The following STIM2 variants were observed in gnomAD, a reference collection of about 807,000 sequenced individuals.
STIM2 encodes the protein stromal interaction molecule 2.
STIM2 carries 31 observed loss-of-function variants against 85.8 expected under a neutral mutation model. The observed-to-expected ratio is 0.36, with a 90% CI of 0.27 to 0.49. The LOEUF (loss-of-function observed/expected upper bound fraction) is 0.49. Ranked by LOEUF, STIM2 falls within the 20% of genes least tolerant of loss-of-function variation. The pLI is 0.98. For missense variants in STIM2, 841 were observed against 927.6 expected, an observed-to-expected ratio of 0.91 and a Z score of 1.21; for synonymous variants, 356 against 331.1, an observed-to-expected ratio of 1.08 and a Z score of -0.82.
intron 1 of STIM2, chr4:26,873,484 CA>C: frequency 3.1e-6 from 1 of 327,514 alleles, no homozygotes; most frequent in African/African-American, 2.2e-5. Flanking sequence ...GTGGCCAGAG[CA>C]GGGGGGCTCT....
Position 27,022,949 on chromosome 4 carries a change from AAAAAGCCATCAAAAATC to A in STIM2, c.2202_2218del (p.Ser735PhefsTer2), listed in dbSNP as rs1560244705. 6.2e-7 allele frequency: 1 copy of A among 1,613,966 alleles called. No individual in the cohort carries two copies. Among genetic ancestry groups the A allele is most frequent in the Non-Finnish European group, 8.5e-7 (1 of 1,180,006 alleles). On this transcript the variant is annotated frameshift_variant, in exon 12 of 12. Transcript: ENST00000467087. LOFTEE classifies it high-confidence loss of function. ...CCTTTGTCATAATGGAGAGAAAAGC[AAAAAGCCATCAAAAATC>A]AAAAGCCTTTTTAAGAAGAAATCTA...
chr4:26,878,192 G>A (rs967304157), intron 1 of STIM2, among the ~76,000 whole-genome samples: 1 of 152,166 alleles, frequency 6.6e-6, no homozygotes, highest in Non-Finnish European at 1.5e-5. Context: ...TGTGATGGGG[G>A]TGGAGAAGTT....
intron 2 of STIM2, among the ~76,000 whole-genome samples, chr4:26,922,356 A>G (rs1033386849): frequency 6.6e-6 from 1 of 152,200 alleles, no homozygotes. Context: ...AGCTTTGTCA[A>G]ACAAATTCCA....
At chr4:26,990,013 A>AAAAT (rs1727707417) in intron 3 of STIM2, among the ~76,000 whole-genome samples, 1 of 152,180 alleles carries the variant, frequency 6.6e-6, no homozygotes, top group Non-Finnish European at 1.5e-5. Context: ...TCATCTTGTT[A>AAAAT]AAATGTCTTT....
chr4:26,872,404 A>G (rs1722657336), intron 1 of STIM2, among the ~76,000 whole-genome samples: 1 of 152,234 alleles, frequency 6.6e-6, no homozygotes, highest in African/African-American at 2.4e-5. Context: ...GAAATGTTAG[A>G]CTTTAAAATC....
chr4:26,968,748 G>A (rs1031867908), intron 3 of STIM2, among the ~76,000 whole-genome samples: 1 of 152,104 alleles, frequency 6.6e-6, no homozygotes, highest in African/African-American at 2.4e-5. Flanking sequence ...GAAACAGTGG[G>A]TGACCTCCTA....
chr4:27,021,120 C>G (rs1486901504), intron 11 of STIM2: 10 of 1,443,402 alleles, frequency 6.9e-6, no homozygotes, highest in Non-Finnish European at 9.4e-6. Flanking sequence ...TTCATTCATT[C>G]ATTCACCCAC....
intron 11 of STIM2, among the ~76,000 whole-genome samples, chr4:27,020,541 G>A (rs548858787): frequency 3.0e-4 from 45 of 152,184 alleles, no homozygotes; most frequent in East Asian, 1.9e-4. Context: ...TGTACCTTTC[G>A]AGAGCTTGTA....
chr4:26,909,955 A>G (rs925878272), intron 1 of STIM2, among the ~76,000 whole-genome samples: 12 of 152,282 alleles, frequency 7.9e-5, no homozygotes, highest in South Asian at 4.1e-4. Context: ...TCACTTGTAT[A>G]AGTCAGTGAG....
At chr4:26,940,365 C>G (rs1036291965) in intron 2 of STIM2, among the ~76,000 whole-genome samples, 10 of 152,142 alleles carry the variant, frequency 6.6e-5, no homozygotes, top group Non-Finnish European at 1.2e-4. Flanking sequence ...ATATTCAGTT[C>G]TTTCTTCTGT....
chr4:27,021,267 A>T, intron 11 of STIM2: 1 of 528,690 alleles, frequency 1.9e-6, no homozygotes, highest in East Asian at 3.3e-5. Context: ...CTGCCTATAA[A>T]CAAGTTAATA....
At chr4:26,946,042 TCTATTAG>T (rs1273655678) in intron 2 of STIM2, among the ~76,000 whole-genome samples, 1 of 152,212 alleles carries the variant, frequency 6.6e-6, no homozygotes, top group Non-Finnish European at 1.5e-5. Flanking sequence ...TTATTTTTCT[TCTATTAG>T]TATTAAAGTG....
At chr4:26,998,783 G>T (rs1328125114) in intron 4 of STIM2, among the ~76,000 whole-genome samples, 1 of 151,846 alleles carries the variant, frequency 6.6e-6, no homozygotes, top group African/African-American at 2.4e-5. Context: ...GTGGTGGCAC[G>T]TGCCTGTAGT....
chr4:26,994,151 A>T (rs1188457691), intron 3 of STIM2, among the ~76,000 whole-genome samples: 1 of 151,996 alleles, frequency 6.6e-6, no homozygotes, highest in Non-Finnish European at 1.5e-5. Context: ...TCCTAACCTC[A>T]CTTTTTCCTA....
chr4:26,997,985 TG>T (rs1287338188), intron 4 of STIM2, among the ~76,000 whole-genome samples: 3 of 152,208 alleles, frequency 2.0e-5, no homozygotes, highest in Non-Finnish European at 4.4e-5. Flanking sequence ...CGTACATATT[TG>T]GGTTTGAATC....
rs528819905 is a variant in STIM2 at position 26,897,321 on chromosome 4, A to G, written c.152-22183A>G. 1.4e-4 allele frequency among the ~76,000 whole-genome samples: 21 copies of G among 152,300 alleles called. No homozygotes were observed. The East Asian group carries it at 2.9e-3, about 21-fold the overall frequency. On this transcript the variant is annotated intron_variant, in intron 1 of 11. Transcript: ENST00000467087. ...TTTCTGTATGTTTTACTTTAGTTGT[A>G]ATAGGCCTATGGTGCTATCTCCTTG...
In STIM2 at chr4:27,022,718, G is replaced by C. The variant is rs1300962620; in HGVS notation, c.1963G>C (p.Gly655Arg). ...GTCTTGGGGTTCTCCCGACTGTGTA[G>C]GTCTGACAGAAACTAAGAGTATGAT... Residue 655 changes from glycine to arginine, a missense_variant, in exon 12 of 12, where the codon GGT becomes CGT. Physicochemically the swap from Gly to Arg is moderately radical, Grantham distance 125. Transcript: ENST00000467087. 2.5e-6 allele frequency: 4 copies of C among 1,614,222 alleles called. No homozygotes were observed. The South Asian group carries it at 4.4e-5, about 18-fold the overall frequency.
At chr4:27,013,830 A>G (rs1050454309) in intron 10 of STIM2, among the ~76,000 whole-genome samples, 75 of 152,018 alleles carry the variant, frequency 4.9e-4, no homozygotes, top group African/African-American at 1.7e-3. Context: ...GGTATGGATT[A>G]TTTGTTCTTT....
chr4:26,981,431 TGAA>T (rs892181229), intron 3 of STIM2, among the ~76,000 whole-genome samples: 42 of 152,372 alleles, frequency 2.8e-4, no homozygotes, highest in Admixed American at 5.9e-4. Flanking sequence ...CCTGCATAAT[TGAA>T]GAAGAACTGA....
Sources: allele counts gnomAD v4.1 joint callset (sites outside exome capture counted in the v4.1 genomes callset), GRCh38; gene constraint gnomAD v4.1.1; transcripts MANE v1.5; gene names NCBI Gene and HGNC (gene_info 2026-07-23, HGNC 2026-07-21).